Variants in EYA2 observed in about 807,000 individuals in gnomAD.
The protein encoded by EYA2 is protein phosphatase EYA2.
A neutral mutation model predicts 69.2 loss-of-function variants in EYA2; 31 were observed. The observed-to-expected ratio is 0.45, with a 90% CI of 0.34 to 0.60. EYA2 has a LOEUF of 0.60. Ranked by LOEUF, EYA2 falls within the 20% of genes least tolerant of loss-of-function variation. The pLI is 0.02. For synonymous variants in EYA2, 257 were observed against 279.4 expected (o/e 0.92, Z 0.80); for missense variants, 622 against 701.2 (o/e 0.89, Z 1.28).
chr20:47,127,860 A>C (rs1458234149), intron 9 of EYA2, among the ~76,000 whole-genome samples: 1 of 152,240 alleles, frequency 6.6e-6, no homozygotes, highest in East Asian at 1.9e-4. Flanking sequence ...GTGGCATCCC[A>C]CCTGCAAGAC....
intron 10 of EYA2, among the ~76,000 whole-genome samples, chr20:47,165,630 G>A (rs2034166432): frequency 6.6e-6 from 1 of 152,224 alleles, no homozygotes; most frequent in Admixed American, 6.5e-5. Flanking sequence ...AGGCGAGAAC[G>A]GCAGTTGCAC....
intron 3 of EYA2, 121 bp from the exon 4 acceptor site, chr20:47,004,821 A>G: frequency 7.7e-7 from 1 of 1,304,850 alleles, no homozygotes; most frequent in East Asian, 2.3e-5. Flanking sequence ...GTGAACATGT[A>G]TGTTGTCTCT....
intron 11 of EYA2, among the ~76,000 whole-genome samples, chr20:47,170,812 A>C (rs1200203423): frequency 6.6e-6 from 1 of 152,244 alleles, no homozygotes; most frequent in Non-Finnish European, 1.5e-5. Context: ...TATTAGACCA[A>C]CTAATGTTTT....
chr20:46,911,637 T>C (rs1033024846), intron 1 of EYA2, among the ~76,000 whole-genome samples: 7 of 152,192 alleles, frequency 4.6e-5, no homozygotes, highest in Non-Finnish European at 1.0e-4. Flanking sequence ...TGCAAAAAGT[T>C]TGAAAGTAGC....
chr20:47,126,913 C>T (rs2033205655), intron 9 of EYA2, among the ~76,000 whole-genome samples: 1 of 152,162 alleles, frequency 6.6e-6, no homozygotes, highest in African/African-American at 2.4e-5. Flanking sequence ...GCTCAAAATG[C>T]CAACAGTGCC....
intron 8 of EYA2, 67 bp downstream of exon 8, chr20:47,089,448 G>A (rs1280414148): frequency 6.6e-7 from 1 of 1,524,608 alleles, no homozygotes; most frequent in East Asian, 2.3e-5. Flanking sequence ...ACAAGAGTGG[G>A]GACAGAGTTT....
intron 5 of EYA2, among the ~76,000 whole-genome samples, chr20:47,063,116 G>A (rs2030958328): frequency 6.6e-6 from 1 of 152,120 alleles, no homozygotes; most frequent in Non-Finnish European, 1.5e-5. Context: ...ACAACTCTGT[G>A]GCGTTTAGTG....
rs564365373 is a variant in EYA2, at chr20:47,018,399, T to C, written c.415+2102T>C. Among the ~76,000 whole-genome samples the C allele has an allele frequency of 1.2e-4, 19 of 152,332 alleles. No individual in the cohort carries two copies. In the South Asian group the frequency reaches 3.5e-3, roughly 28 times the overall value. On this transcript the variant is annotated intron_variant, in intron 5 of 15. Coordinates refer to ENST00000327619, the MANE Select transcript of EYA2 (RefSeq NM_005244.5). ...ACAGCAGCACACAAAGACAATCTCC[T>C]CATGGAGAAAGATGGACAGTAATCA... is the stretch of plus-strand genomic sequence containing the variant.
intron 9 of EYA2, among the ~76,000 whole-genome samples, chr20:47,128,319 A>ACC (rs1200504481): frequency 1.3e-5 from 2 of 152,140 alleles, no homozygotes; most frequent in Admixed American, 1.3e-4. Context: ...ACGGTTTCCC[A>ACC]CCCTGTGGGC....
At chr20:46,957,292 A>G (rs998176318) in intron 1 of EYA2, among the ~76,000 whole-genome samples, 9 of 152,168 alleles carry the variant, frequency 5.9e-5, no homozygotes, top group African/African-American at 1.9e-4. Flanking sequence ...AAGCCTATCA[A>G]TTATACACAC....
intron 12 of EYA2, among the ~76,000 whole-genome samples, chr20:47,175,697 G>A (rs984700979): frequency 2.0e-5 from 3 of 152,184 alleles, no homozygotes; most frequent in Admixed American, 6.5e-5. Flanking sequence ...ACTTCCCAGC[G>A]TGGAGCAAAG....
chr20:46,967,228 C>G (rs1600590137), intron 1 of EYA2, among the ~76,000 whole-genome samples: 1 of 152,332 alleles, frequency 6.6e-6, no homozygotes, highest in Middle Eastern at 3.4e-3. Context: ...TCTCGAACTG[C>G]TGACCTCAAG....
chr20:47,157,969 A>G (rs1466520619), intron 10 of EYA2, among the ~76,000 whole-genome samples: 4 of 152,010 alleles, frequency 2.6e-5, no homozygotes, highest in Non-Finnish European at 5.9e-5. Flanking sequence ...GTTACAGCGC[A>G]TATGACAAAT....
intron 5 of EYA2, among the ~76,000 whole-genome samples, chr20:47,059,103 G>A (rs1057154919): frequency 6.6e-6 from 1 of 152,178 alleles, no homozygotes; most frequent in Non-Finnish European, 1.5e-5. Flanking sequence ...GGGGTCTTGG[G>A]TGGGCTCATA....
intron 1 of EYA2, among the ~76,000 whole-genome samples, chr20:46,925,894 T>G (rs1349165516): frequency 4.0e-5 from 6 of 151,116 alleles, no homozygotes; most frequent in African/African-American, 1.5e-4. Context: ...CAGCAGAAGT[T>G]TGGGAACTGT....
chr20:47,052,969 G>A (rs994147076), intron 5 of EYA2, among the ~76,000 whole-genome samples: 7 of 152,174 alleles, frequency 4.6e-5, no homozygotes, highest in African/African-American at 1.7e-4. Flanking sequence ...GTAGGACCTG[G>A]TGTCATTGAG....
intron 4 of EYA2, among the ~76,000 whole-genome samples, chr20:47,005,814 C>T (rs1165061150): frequency 6.6e-6 from 1 of 152,250 alleles, no homozygotes; most frequent in Non-Finnish European, 1.5e-5. Context: ...ACTTGCGAAC[C>T]TGGCTCACCA....
intron 10 of EYA2, among the ~76,000 whole-genome samples, chr20:47,155,212 GAGTTTGCAT>G (rs2033899667): frequency 6.6e-6 from 1 of 151,952 alleles, no homozygotes; most frequent in African/African-American, 2.4e-5. Flanking sequence ...CCTCTGCTGT[GAGTTTGCAT>G]AGCACCTTAT....
At chr20:47,080,053 G>A (rs565770874) in intron 7 of EYA2, among the ~76,000 whole-genome samples, 1 of 152,106 alleles carries the variant, frequency 6.6e-6, no homozygotes, top group Non-Finnish European at 1.5e-5. Context: ...AAGTGCACAT[G>A]GGACATTTAC....
Sources: allele counts gnomAD v4.1 joint callset (sites outside exome capture counted in the v4.1 genomes callset), GRCh38; gene constraint gnomAD v4.1.1; transcripts MANE v1.5; gene names NCBI Gene and HGNC (gene_info 2026-07-23, HGNC 2026-07-21).